Variants in HS6ST3 observed in about 807,000 individuals in gnomAD.
The protein encoded by HS6ST3 is heparan-sulfate 6-O-sulfotransferase 3.
A neutral mutation model predicts 36.7 loss-of-function variants in HS6ST3; 12 were observed. The observed-to-expected ratio is 0.33, with a 90% confidence interval of 0.21 to 0.53. The LOEUF (loss-of-function observed/expected upper bound fraction) is 0.53, where lower values mean the gene tolerates loss of function less well. Ranked by LOEUF, HS6ST3 falls within the 20% of genes least tolerant of loss-of-function variation. The probability of loss-of-function intolerance (pLI) is 0.95; values close to 1 mark genes in which losing one functional copy is unlikely to be tolerated. For synonymous variants in HS6ST3, 240 were observed against 257.5 expected, an observed-to-expected ratio of 0.93 and a Z score of 0.65; for missense variants, 584 against 640.9, an observed-to-expected ratio of 0.91 and a Z score of 0.96.
chr13:96,112,281 G>A (rs1489455387), intron 1 of HS6ST3, among the ~76,000 whole-genome samples: 2 of 151,912 alleles, frequency 1.3e-5, no homozygotes, highest in Admixed American at 1.3e-4. Flanking sequence ...GTAACAACCT[G>A]CATCCCAGAT....
rs1375812734 is a variant in HS6ST3, at chr13:96,175,990, G to A, written c.707+84421G>A. ...CTGCAGGTGTGCACCACCATGCCTG[G>A]CTAATTTTTTGTATTTTTAGTAGAG... On this transcript the variant is annotated intron_variant, in intron 1 of 1. Transcript: ENST00000376705. 2.0e-5 allele frequency among the ~76,000 whole-genome samples: 3 copies of A among 151,768 alleles called. No homozygotes were observed. In the East Asian group the frequency reaches 5.9e-4, roughly 30 times the overall value.
At chr13:96,370,065 T>TG (rs1473942789) in intron 1 of HS6ST3, among the ~76,000 whole-genome samples, 1 of 152,142 alleles carries the variant, frequency 6.6e-6, no homozygotes, top group African/African-American at 2.4e-5. Flanking sequence ...TTTGTAACCC[T>TG]GGCTGCATAT....
chr13:96,409,524 G>T (rs758237667), intron 1 of HS6ST3, among the ~76,000 whole-genome samples: 5 of 152,166 alleles, frequency 3.3e-5, no homozygotes, highest in Admixed American at 6.5e-5. Context: ...AAGTAAACAT[G>T]CAAGAGTTTT....
intron 1 of HS6ST3, among the ~76,000 whole-genome samples, chr13:96,767,157 A>G (rs1254443905): frequency 6.6e-6 from 1 of 152,218 alleles, no homozygotes; most frequent in Non-Finnish European, 1.5e-5. Flanking sequence ...TTTGTGTTTT[A>G]TATCTACGAC....
intron 1 of HS6ST3, among the ~76,000 whole-genome samples, chr13:96,738,592 T>A (rs1876348305): frequency 1.3e-5 from 2 of 152,206 alleles, no homozygotes; most frequent in African/African-American, 4.8e-5. Context: ...CAGAACATTT[T>A]TTCCTTTTGT....
chr13:96,300,620 A>G (rs2054877489), intron 1 of HS6ST3, among the ~76,000 whole-genome samples: 1 of 152,082 alleles, frequency 6.6e-6, no homozygotes, highest in African/African-American at 2.4e-5. Context: ...GAGAAGATGA[A>G]TATTTATTAA....
At chr13:96,778,742 C>T (rs1877455976) in intron 1 of HS6ST3, among the ~76,000 whole-genome samples, 1 of 152,136 alleles carries the variant, frequency 6.6e-6, no homozygotes, top group Admixed American at 6.5e-5. Context: ...TTAGTTCAAC[C>T]ATTGTGGAAG....
chr13:96,187,826 C>T (rs144519403), intron 1 of HS6ST3, among the ~76,000 whole-genome samples: 3 of 152,252 alleles, frequency 2.0e-5, no homozygotes, highest in East Asian at 1.9e-4. Flanking sequence ...AGCAGCTGTC[C>T]GAGAACTTGC....
intron 1 of HS6ST3, among the ~76,000 whole-genome samples, chr13:96,563,660 G>A (rs912774472): frequency 3.3e-5 from 5 of 152,156 alleles, no homozygotes; most frequent in Admixed American, 3.3e-4. Flanking sequence ...GGTGATACAG[G>A]GAGCCTGGGA....
intron 1 of HS6ST3, among the ~76,000 whole-genome samples, chr13:96,797,164 A>G (rs1877934993): frequency 6.6e-6 from 1 of 152,080 alleles, no homozygotes; most frequent in Non-Finnish European, 1.5e-5. Flanking sequence ...CAGTTCCCAG[A>G]CAAGGATGCA....
intron 1 of HS6ST3, among the ~76,000 whole-genome samples, chr13:96,258,633 A>G (rs1594734813): frequency 6.6e-6 from 1 of 152,162 alleles, no homozygotes. Flanking sequence ...TTTACCTGCC[A>G]TTCACCAGGC....
intron 1 of HS6ST3, among the ~76,000 whole-genome samples, chr13:96,328,700 T>G (rs1217583830): frequency 6.6e-6 from 1 of 152,158 alleles, no homozygotes; most frequent in African/African-American, 2.4e-5. Flanking sequence ...CCTCATAAAA[T>G]GAGTTAGGGA....
At chr13:96,677,652 C>T (rs941725425) in intron 1 of HS6ST3, among the ~76,000 whole-genome samples, 2 of 152,034 alleles carry the variant, frequency 1.3e-5, no homozygotes, top group African/African-American at 4.8e-5. Context: ...ATATTTCTTG[C>T]TTGAAAGATT....
At chr13:96,567,051 G>A (rs2056283904) in intron 1 of HS6ST3, among the ~76,000 whole-genome samples, 1 of 151,960 alleles carries the variant, frequency 6.6e-6, no homozygotes, top group Non-Finnish European at 1.5e-5. Flanking sequence ...GTTTATTAGA[G>A]GTATAGATAG....
chr13:96,296,120 C>T lies in HS6ST3; in HGVS notation c.707+204551C>T, dbSNP rs142296829. Among the ~76,000 whole-genome samples, 119 of 152,272 alleles carry T rather than the reference C, an allele frequency of 7.8e-4. 2 individuals carry two copies. The highest frequency in any genetic ancestry group is 2.6e-3 in the African/African-American group (107 of 41,578). ...CACTAGCCACATTTCAAGTGCTCCA[C>T]GTGTGTCTGGTGGCTCCTGCATTGG... On this transcript the variant is annotated intron_variant, in intron 1 of 1. Transcript: ENST00000376705.
intron 1 of HS6ST3, among the ~76,000 whole-genome samples, chr13:96,393,466 C>T (rs558973091): frequency 6.6e-6 from 1 of 152,160 alleles, no homozygotes; most frequent in African/African-American, 2.4e-5. Flanking sequence ...AACCTGAATC[C>T]TTTCTTAGTA....
At chr13:96,440,970 G>A (rs1189673600) in intron 1 of HS6ST3, among the ~76,000 whole-genome samples, 2 of 152,158 alleles carry the variant, frequency 1.3e-5, no homozygotes, top group Non-Finnish European at 2.9e-5. Context: ...CCCATGGGAT[G>A]GTATTTGGAG....
At chr13:96,778,612 G>T (rs116942061) in intron 1 of HS6ST3, among the ~76,000 whole-genome samples, 1 of 151,994 alleles carries the variant, frequency 6.6e-6, no homozygotes, top group Non-Finnish European at 1.5e-5. Flanking sequence ...AATCAAAACC[G>T]CAATGGCATA....
chr13:96,388,419 A>G (rs1007839316), intron 1 of HS6ST3, among the ~76,000 whole-genome samples: 1 of 152,250 alleles, frequency 6.6e-6, no homozygotes, highest in South Asian at 2.1e-4. Flanking sequence ...GTACTGAACT[A>G]GATGGGGTTA....
Sources: allele counts gnomAD v4.1 joint callset (sites outside exome capture counted in the v4.1 genomes callset), GRCh38; gene constraint gnomAD v4.1.1; transcripts MANE v1.5; gene names NCBI Gene and HGNC (gene_info 2026-07-23, HGNC 2026-07-21).